The following AHRR variants were observed in gnomAD, a reference collection of about 807,000 sequenced individuals.
AHRR encodes aryl hydrocarbon receptor repressor, also known as ahR repressor.
Under a neutral mutation model 44.0 loss-of-function variants are expected in AHRR, and 28 were observed. That is an observed-to-expected ratio of 0.64 (90% confidence interval 0.47 to 0.87). The LOEUF is 0.87. AHRR is among the 40% of genes least tolerant of loss of function. AHRR has a pLI of 0.00. For synonymous variants in AHRR, 434 were observed against 407.0 expected (o/e 1.07, Z -0.80); for missense variants, 990 against 953.9 (o/e 1.04, Z -0.50).
At chr5:364,522 A>G (rs1390249456) in intron 3 of AHRR, among the ~76,000 whole-genome samples, 1 of 152,216 alleles carries the variant, frequency 6.6e-6, no homozygotes, top group Non-Finnish European at 1.5e-5. Context: ...CAGGATAATC[A>G]TCAACCGTAG....
intron 5 of AHRR, chr5:420,869 CACCCACGCAGCACGCACAG>C (rs1159309545): frequency 1.2e-5 from 4 of 346,880 alleles, no homozygotes; most frequent in African/African-American, 2.2e-5. Context: ...CGCAGCCACC[CACCCACGCAGCACGCACAG>C]ACCCACGCAC....
At chr5:354,252 C>T (rs537578236) in intron 3 of AHRR, among the ~76,000 whole-genome samples, 9 of 152,344 alleles carry the variant, frequency 5.9e-5, no homozygotes, top group South Asian at 2.1e-4. Flanking sequence ...TGTTCCTCCC[C>T]GTGCTGGGCC....
At chr5:373,942 C>A (rs1426793468) in intron 3 of AHRR, among the ~76,000 whole-genome samples, 3 of 150,710 alleles carry the variant, frequency 2.0e-5, no homozygotes, top group Non-Finnish European at 3.0e-5. Flanking sequence ...GGGAAGTGGG[C>A]GGGCGCCCGC....
Position 365,955 on chromosome 5 carries a change from C to A in AHRR, c.245-10655C>A, listed in dbSNP as rs112812309. ...AAAAAATAATTCCATTATATTGAAT[C>A]CTGGGATGTTGAATTGGAATTGGAG... On this transcript the variant is annotated intron_variant, in intron 3 of 10. Transcript: ENST00000684583. Among the ~76,000 whole-genome samples, 6 of 152,078 alleles carry A rather than the reference C, an allele frequency of 3.9e-5. 1 individual carries two copies. The highest frequency in any genetic ancestry group is 1.4e-4 in the African/African-American group (6 of 41,460).
chr5:432,924 C>A lies in AHRR; in HGVS notation c.1089C>A (p.Val363=). 6.2e-7 allele frequency: 1 copy of A among 1,610,968 alleles called. No homozygotes were observed. ...GCCTCCGGGGTGGCCCTGACCTTGT[C>A]CTTGACCCCAAGGGGGGCTCAGGGT... The part of the protein sequence containing the change: ...CLCLRGGPDL[V]LDPKGGSGDR... The change falls in exon 10 of 11, where the codon GTC becomes GTA. Residue 363 remains valine, a synonymous_variant. Coordinates refer to ENST00000684583, the MANE Select transcript of AHRR (RefSeq NM_001377236.1).
At position 406,068 on chromosome 5, in the gene AHRR, T is replaced by G. The variant is rs2672764; in HGVS notation, c.352-7276T>G. ...ACAGCCACCCGAAAAAGGTAGAAAT[T>G]CTGCAACAAAATTAACTGGGGAAAA... is the stretch of plus-strand genomic sequence containing the variant. On this transcript the variant is annotated intron_variant, in intron 4 of 10. Transcript: ENST00000684583. The surrounding 1 kb of genome is among the most constrained non-coding windows in gnomAD (Gnocchi z 4.7). 0.013 allele frequency among the ~76,000 whole-genome samples: 1,941 copies of G among 152,196 alleles called. 48 individuals carry two copies. Among genetic ancestry groups the G allele is most frequent in the African/African-American group, 0.045 (1,880 of 41,524 alleles).
chr5:322,982 G>A (rs1014520943), intron 1 of AHRR, among the ~76,000 whole-genome samples: 1 of 152,256 alleles, frequency 6.6e-6, no homozygotes, highest in African/African-American at 2.4e-5. Context: ...AGATTTCTCA[G>A]AGGAGTGCTG....
intron 1 of AHRR, among the ~76,000 whole-genome samples, chr5:333,990 A>G (rs1399227886): frequency 1.3e-5 from 2 of 152,140 alleles, no homozygotes; most frequent in African/African-American, 4.8e-5. Flanking sequence ...GTCTTGCTGG[A>G]TATCAAATTG....
At chr5:362,400 T>C (rs1392615079) in intron 3 of AHRR, among the ~76,000 whole-genome samples, 2 of 152,210 alleles carry the variant, frequency 1.3e-5, no homozygotes, top group Non-Finnish European at 2.9e-5. Context: ...TGGGACTCGA[T>C]TTTTCTCATC....
intron 2 of AHRR, among the ~76,000 whole-genome samples, chr5:351,657 G>A (rs1220152043): frequency 6.6e-6 from 1 of 152,212 alleles, no homozygotes; most frequent in Non-Finnish European, 1.5e-5. Flanking sequence ...AAATAGAGGT[G>A]AGGTTTGCAC....
chr5:350,167 T>G (rs1238112755), intron 2 of AHRR, among the ~76,000 whole-genome samples: 1 of 152,246 alleles, frequency 6.6e-6, no homozygotes, highest in Non-Finnish European at 1.5e-5. Flanking sequence ...GTTGGGATTT[T>G]AATATGATTA....
Position 413,673 on chromosome 5 carries a change from G to A in AHRR, c.441+240G>A, listed in dbSNP as rs56373122. On this transcript the variant is annotated intron_variant, in intron 5 of 10. Coordinates refer to ENST00000684583, the MANE Select transcript of AHRR (RefSeq NM_001377236.1). ...AGGGGTGTTCTGGTCTAAGGCAGCC[G>A]TGGCGTGCGGACGGCAGCATGGTCT... Among the ~76,000 whole-genome samples the A allele has an allele frequency of 3.7e-3, 571 of 152,332 alleles. 1 individual carries two copies. The highest frequency in any genetic ancestry group is 6.7e-3 in the Non-Finnish European group (454 of 68,034).
chr5:385,001 G>A (rs1010815044), intron 4 of AHRR, among the ~76,000 whole-genome samples: 2 of 151,968 alleles, frequency 1.3e-5, no homozygotes, highest in Non-Finnish European at 2.9e-5. Context: ...AAAATTATCC[G>A]GGCGTGGTGG....
chr5:376,104 C>T (rs916508009), intron 3 of AHRR, among the ~76,000 whole-genome samples: 21 of 152,156 alleles, frequency 1.4e-4, no homozygotes, highest in African/African-American at 4.6e-4. Context: ...AGAGGCGATG[C>T]GGGTGTGCAG....
intron 3 of AHRR, 63 bp downstream of exon 3, chr5:353,974 C>G (rs970886532): frequency 4.6e-5 from 70 of 1,530,600 alleles, no homozygotes; most frequent in Admixed American, 7.4e-5. Context: ...CTGAGTCCAT[C>G]TGGGGCCTTG....
intron 4 of AHRR, among the ~76,000 whole-genome samples, chr5:413,089 G>A (rs1268101064): frequency 1.3e-5 from 2 of 152,140 alleles, no homozygotes; most frequent in East Asian, 1.9e-4. Flanking sequence ...TCACTGTCGC[G>A]TCAAGACAAG....
intron 4 of AHRR, among the ~76,000 whole-genome samples, chr5:393,503 C>T (rs62331581): frequency 0.052 from 7,867 of 152,324 alleles, 255 homozygotes; most frequent in South Asian, 0.067. Flanking sequence ...GCACGCAGAG[C>T]TCCAGGCTGA....
At chr5:379,072 G>A (rs777632888) in intron 4 of AHRR, among the ~76,000 whole-genome samples, 9 of 152,176 alleles carry the variant, frequency 5.9e-5, no homozygotes, top group Non-Finnish European at 1.3e-4. Flanking sequence ...AGCCACGGCC[G>A]ATGTGTGCTC....
chr5:394,811 CAGCTCCTGGGTGAGG>C (rs1315284253), intron 4 of AHRR, among the ~76,000 whole-genome samples: 1 of 152,230 alleles, frequency 6.6e-6, no homozygotes, highest in African/African-American at 2.4e-5. Context: ...TGGGCAGGGC[CAGCTCCTGGGTGAGG>C]AGTTTACCTT....
Sources: allele counts gnomAD v4.1 joint callset (sites outside exome capture counted in the v4.1 genomes callset), GRCh38; gene constraint gnomAD v4.1.1; non-coding constraint Gnocchi (gnomAD v3.1); transcripts MANE v1.5; gene names NCBI Gene and HGNC (gene_info 2026-07-23, HGNC 2026-07-21).